DSCAM: variants seen among roughly 807,000 people sequenced by gnomAD.
The protein encoded by DSCAM is cell adhesion molecule DSCAM.
DSCAM carries 47 observed loss-of-function variants against 217.7 expected under a neutral mutation model. The ratio of observed to expected loss-of-function variants is 0.22; its 90% CI spans 0.17 to 0.28. The LOEUF is 0.28. Ranked by LOEUF, DSCAM falls within the 10% of genes least tolerant of loss-of-function variation. The pLI is 1.00. For synonymous variants in DSCAM, 1,056 were observed against 1,015.3 expected (o/e 1.04, Z -0.76); for missense variants, 2,080 against 2,618.3 (o/e 0.79, Z 4.49).
At chr21:40,180,693 C>G (rs1166636459) in intron 14 of DSCAM, among the ~76,000 whole-genome samples, 1 of 152,156 alleles carries the variant, frequency 6.6e-6, no homozygotes, top group East Asian at 1.9e-4. Flanking sequence ...GTGGTTGATG[C>G]CTCTGCCCAG....
intron 19 of DSCAM, among the ~76,000 whole-genome samples, chr21:40,127,137 T>G (rs2090102661): frequency 6.6e-6 from 1 of 152,226 alleles, no homozygotes; most frequent in East Asian, 1.9e-4. Flanking sequence ...GTTAGAATTA[T>G]AAGAGATAAT....
At chr21:40,115,242 G>T (rs550303017) in intron 20 of DSCAM, among the ~76,000 whole-genome samples, 2 of 152,028 alleles carry the variant, frequency 1.3e-5, no homozygotes, top group Non-Finnish European at 2.9e-5. Context: ...CCATAAAAAA[G>T]GATGAGTTCA....
rs188467670 is a variant in DSCAM, at chr21:40,684,323, G to A, written c.508+8487C>T. On this transcript the variant is annotated intron_variant, in intron 3 of 32. Transcript: ENST00000400454. The stretch of plus-strand genomic sequence containing the variant: ...CAGGCTGACGGTGGAGAAGGGAAGC[G>A]GGGTGGCTCCTAGACTGAGGATTCC... Among the ~76,000 whole-genome samples the A allele has an allele frequency of 1.0e-3, 155 of 152,314 alleles. 1 individual carries two copies. Among genetic ancestry groups the A allele is most frequent in the African/African-American group, 3.5e-3 (147 of 41,564 alleles).
intron 15 of DSCAM, among the ~76,000 whole-genome samples, chr21:40,175,393 C>G (rs1023382281): frequency 6.6e-6 from 1 of 152,240 alleles, no homozygotes; most frequent in African/African-American, 2.4e-5. Flanking sequence ...GGATTATAGG[C>G]GTGAACTACC....
chr21:40,688,345 A>G (rs2090504572), intron 3 of DSCAM, among the ~76,000 whole-genome samples: 1 of 152,140 alleles, frequency 6.6e-6, no homozygotes, highest in Admixed American at 6.5e-5. Context: ...GGAAATTCAC[A>G]ACAGGCTTGT....
chr21:40,648,038 A>G (rs8130066), intron 3 of DSCAM, among the ~76,000 whole-genome samples: 57,753 of 151,854 alleles, frequency 0.38, 11,781 homozygotes, highest in East Asian at 0.6. Flanking sequence ...TGCACCGAGT[A>G]GCAAGAAAAC....
At chr21:40,665,846 C>A (rs972786056) in intron 3 of DSCAM, among the ~76,000 whole-genome samples, 1 of 152,174 alleles carries the variant, frequency 6.6e-6, no homozygotes, top group East Asian at 1.9e-4. Flanking sequence ...AGAAATTGTC[C>A]GCTGCCATGA....
chr21:40,586,902 T>C (rs1220689417), intron 3 of DSCAM, among the ~76,000 whole-genome samples: 2 of 152,150 alleles, frequency 1.3e-5, no homozygotes, highest in Non-Finnish European at 2.9e-5. Context: ...GTAGCAAATA[T>C]GAACATTTGG....
At chr21:40,325,844 T>C (rs1434528655) in intron 8 of DSCAM, among the ~76,000 whole-genome samples, 1 of 152,050 alleles carries the variant, frequency 6.6e-6, no homozygotes, top group African/African-American at 2.4e-5. Context: ...TTTTGGAGAG[T>C]GGCTATGCAA....
At chr21:40,432,119 C>G (rs1328430583) in intron 3 of DSCAM, among the ~76,000 whole-genome samples, 1 of 152,080 alleles carries the variant, frequency 6.6e-6, no homozygotes. Flanking sequence ...AGGAGAATTG[C>G]TTGAACCCAG....
At chr21:40,330,310 ATAAAT>A (rs892822056) in intron 8 of DSCAM, among the ~76,000 whole-genome samples, 6 of 147,120 alleles carry the variant, frequency 4.1e-5, no homozygotes, top group African/African-American at 1.5e-4. Flanking sequence ...TTTATATATA[ATAAAT>A]TATATATTTA....
intron 27 of DSCAM, among the ~76,000 whole-genome samples, chr21:40,066,135 C>T (rs1386510743): frequency 1.3e-5 from 2 of 152,228 alleles, no homozygotes; most frequent in Non-Finnish European, 2.9e-5. Context: ...GGACCTCTGC[C>T]TTATATCTCA....
intron 3 of DSCAM, among the ~76,000 whole-genome samples, chr21:40,540,924 C>T (rs1390613445): frequency 6.6e-6 from 1 of 151,834 alleles, no homozygotes; most frequent in African/African-American, 2.4e-5. Flanking sequence ...GATGGGGTTT[C>T]GCTGTGTGGC....
chr21:40,421,557 C>T (rs962886286), intron 3 of DSCAM, among the ~76,000 whole-genome samples: 2 of 152,164 alleles, frequency 1.3e-5, no homozygotes, highest in South Asian at 2.1e-4. Context: ...GAGCTGCCAG[C>T]GCTGTGTGTT....
chr21:40,577,000 TAA>T (rs59503954), intron 3 of DSCAM, among the ~76,000 whole-genome samples: 5,672 of 140,210 alleles, frequency 0.04, 300 homozygotes, highest in African/African-American at 0.12. Flanking sequence ...AACAATAAAA[TAA>T]AAAAAAAAAT....
intron 19 of DSCAM, among the ~76,000 whole-genome samples, chr21:40,130,454 C>T (rs545093711): frequency 6.6e-6 from 1 of 152,274 alleles, no homozygotes; most frequent in African/African-American, 2.4e-5. Flanking sequence ...TATGTCCATG[C>T]ACCTGAGTCT....
At chr21:40,331,598 A>C (rs2074378585) in intron 8 of DSCAM, among the ~76,000 whole-genome samples, 1 of 152,188 alleles carries the variant, frequency 6.6e-6, no homozygotes, top group South Asian at 2.1e-4. Context: ...ACAGTACACA[A>C]AGTACCACCA....
chr21:40,015,523 G>A (rs528204896), intron 32 of DSCAM, among the ~76,000 whole-genome samples: 4 of 151,580 alleles, frequency 2.6e-5, no homozygotes, highest in Non-Finnish European at 5.9e-5. Context: ...TCAAACTCCT[G>A]GGCTCAAGCA....
intron 32 of DSCAM, among the ~76,000 whole-genome samples, chr21:40,041,395 A>G (rs2146474626): frequency 6.6e-6 from 1 of 152,334 alleles, no homozygotes; most frequent in South Asian, 2.1e-4. Flanking sequence ...TTTGCCCTGT[A>G]CAATGGTTTA....
Sources: gnomAD v4.1 joint callset for allele counts (sites outside exome capture counted in the v4.1 genomes callset) on GRCh38, gnomAD v4.1.1 for gene constraint, MANE v1.5 for transcripts, NCBI Gene and HGNC (gene_info 2026-07-23, HGNC 2026-07-21) for gene names.